Variants in ZHX3 observed in about 807,000 individuals in gnomAD.
ZHX3 encodes the protein zinc fingers and homeoboxes protein 3.
Under a neutral mutation model 64.5 loss-of-function variants are expected in ZHX3, and 20 were observed. The observed-to-expected ratio is 0.31, with a 90% CI of 0.22 to 0.45. The LOEUF (loss-of-function observed/expected upper bound fraction) is 0.45. Ranked by LOEUF, ZHX3 falls within the 20% of genes least tolerant of loss-of-function variation. The probability of loss-of-function intolerance (pLI) is 1.00; values close to 1 mark genes in which losing one functional copy is unlikely to be tolerated. For synonymous variants in ZHX3, 423 were observed against 461.6 expected (o/e 0.92, Z 1.07); for missense variants, 1,041 against 1,195.8 (o/e 0.87, Z 1.91).
intron 1 of ZHX3, among the ~76,000 whole-genome samples, chr20:41,299,780 T>A (rs547024096): frequency 2.0e-5 from 3 of 149,152 alleles, no homozygotes; most frequent in African/African-American, 7.5e-5. Context: ...GAGAATCGCT[T>A]GAACCTGGAA....
intron 2 of ZHX3, among the ~76,000 whole-genome samples, chr20:41,214,937 T>C (rs2039414173): frequency 6.6e-6 from 1 of 152,222 alleles, no homozygotes; most frequent in Non-Finnish European, 1.5e-5. Flanking sequence ...ATGCCCCATC[T>C]TGAAACCTTC....
At position 41,178,713 on chromosome 20, in the gene ZHX3, A is replaced by AT. The variant is rs900080450; in HGVS notation, c.*6477dup. The stretch of plus-strand genomic sequence containing the variant: ...ACAGTCCAAACCGAAGTTAAGTTCC[A>AT]TTTTTTTGTTAAAACGTTTACCCAG... On this transcript the variant is annotated 3_prime_UTR_variant, in exon 4 of 4. Coordinates refer to ENST00000683867, the MANE Select transcript of ZHX3 (RefSeq NM_001384317.1). 1 of 152,592 alleles carries AT rather than the reference A, an allele frequency of 6.6e-6. No homozygotes were observed. The allele number at this position is 152,592 out of a possible 1,614,324, so 9.5% of individuals were successfully genotyped here.
At chr20:41,256,388 A>G (rs1057321456) in intron 2 of ZHX3, among the ~76,000 whole-genome samples, 4 of 152,156 alleles carry the variant, frequency 2.6e-5, no homozygotes, top group Non-Finnish European at 5.9e-5. Context: ...ATATTCATTA[A>G]GAGACTATTC....
At position 41,179,006 on chromosome 20, in the gene ZHX3, A is replaced by T. The variant is rs751278276; in HGVS notation, c.*6185T>A. The T allele has an allele frequency of 2.0e-5, 3 of 152,676 alleles. No individual in the cohort carries two copies. The highest frequency in any genetic ancestry group is 2.9e-5 in the Non-Finnish European group (2 of 68,078). 9.5% of individuals were successfully genotyped at this position (152,676 alleles called of 1,614,324 possible). On this transcript the variant is annotated 3_prime_UTR_variant, in exon 4 of 4. Transcript: ENST00000683867. This position sits in a 1 kb window ranked among gnomAD's most constrained non-coding sequence, Gnocchi z 4.3. Reference sequence around the variant, plus strand: ...ATTGCCCAGAAGTCCGGCCACAGGGAACAAGGCTTTGTGCTGAAGACCAAA... The same window carrying T: ...ATTGCCCAGAAGTCCGGCCACAGGGTACAAGGCTTTGTGCTGAAGACCAAA...
chr20:41,290,757 G>A (rs572213273), intron 1 of ZHX3, among the ~76,000 whole-genome samples: 12 of 152,300 alleles, frequency 7.9e-5, no homozygotes, highest in African/African-American at 1.9e-4. Flanking sequence ...ATTTGGCTAC[G>A]ATGGCAGAGC....
chr20:41,291,181 T>A (rs1005687764), intron 1 of ZHX3, among the ~76,000 whole-genome samples: 4 of 151,300 alleles, frequency 2.6e-5, no homozygotes, highest in African/African-American at 9.7e-5. Flanking sequence ...GAACTCAGAC[T>A]TTTTCCCCCA....
chr20:41,189,395 T>G (rs562741250), intron 3 of ZHX3, among the ~76,000 whole-genome samples: 1 of 152,340 alleles, frequency 6.6e-6, no homozygotes, highest in South Asian at 2.1e-4. Context: ...GGTATTTTGA[T>G]AGCAATTGCA....
chr20:41,266,279 G>A (rs536531296), intron 2 of ZHX3, among the ~76,000 whole-genome samples: 9 of 152,288 alleles, frequency 5.9e-5, no homozygotes, highest in Non-Finnish European at 1.3e-4. Context: ...GCTGGAGTTA[G>A]TCAAGATGGC....
At chr20:41,276,984 ATAAGT>A (rs1207397916) in intron 1 of ZHX3, among the ~76,000 whole-genome samples, 1 of 152,244 alleles carries the variant, frequency 6.6e-6, no homozygotes, top group African/African-American at 2.4e-5. Flanking sequence ...GGTGAGCAAG[ATAAGT>A]TAGATATAAA....
At chr20:41,295,540 C>A (rs900426874) in intron 1 of ZHX3, among the ~76,000 whole-genome samples, 3 of 152,100 alleles carry the variant, frequency 2.0e-5, no homozygotes, top group Non-Finnish European at 4.4e-5. Context: ...CTTTCTATTT[C>A]ACTGTTGGCT....
At chr20:41,272,359 A>G (rs1008331662) in intron 1 of ZHX3, 1 of 152,202 alleles carries the variant, frequency 6.6e-6, no homozygotes, top group Admixed American at 6.5e-5. Flanking sequence ...GTAATTTTAA[A>G]AATTGAAAAT....
chr20:41,184,922 T>C lies in ZHX3; in HGVS notation c.*269A>G, dbSNP rs1403945449. ...ATGAATATGACTATGAACTCTGAAC[T>C]ATTTTATCCATTGGAAGGTAAAGGA... On this transcript the variant is annotated 3_prime_UTR_variant, in exon 4 of 4. Transcript: ENST00000683867. 1 of 1,538,164 alleles carries C rather than the reference T, an allele frequency of 6.5e-7. No homozygotes were observed. Among genetic ancestry groups the C allele is most frequent in the Non-Finnish European group, 8.7e-7 (1 of 1,145,628 alleles).
chr20:41,313,828 C>T (rs960542669), intron 1 of ZHX3, among the ~76,000 whole-genome samples: 6 of 152,138 alleles, frequency 3.9e-5, no homozygotes, highest in African/African-American at 1.4e-4. Context: ...GATCTCCTGA[C>T]CTCGTGATCT....
At chr20:41,223,632 C>T in intron 2 of ZHX3, among the ~76,000 whole-genome samples, 1 of 152,180 alleles carries the variant, frequency 6.6e-6, no homozygotes, top group East Asian at 1.9e-4. Context: ...ATAGTGTTTG[C>T]CCCTGGCGAG....
chr20:41,232,176 C>T lies in ZHX3; in HGVS notation c.-150-27110G>A, dbSNP rs7262029. On this transcript the variant is annotated intron_variant, in intron 2 of 3. Coordinates refer to ENST00000683867, the MANE Select transcript of ZHX3 (RefSeq NM_001384317.1). This position sits in a 1 kb window ranked among gnomAD's most constrained non-coding sequence, Gnocchi z 5.0. ...ATTTTGCCTAGGCAAGAGAAAAGGC[C>T]GAAGGGTGACTTAATAACCATCTTC... Among the ~76,000 whole-genome samples the T allele has an allele frequency of 0.051, 7,784 of 151,940 alleles. 664 individuals carry two copies. Among genetic ancestry groups the T allele is most frequent in the African/African-American group, 0.18 (7,466 of 41,392 alleles).
intron 3 of ZHX3, among the ~76,000 whole-genome samples, chr20:41,199,210 G>C (rs1234664366): frequency 6.6e-6 from 1 of 151,938 alleles, no homozygotes; most frequent in African/African-American, 2.4e-5. Context: ...AATGTCTTTG[G>C]GTAATAATTC....
intron 1 of ZHX3, among the ~76,000 whole-genome samples, chr20:41,297,876 C>CA (rs1403990830): frequency 6.6e-6 from 1 of 152,156 alleles, no homozygotes. Flanking sequence ...CATAATGTGT[C>CA]AGACTTTTAC....
chr20:41,188,076 C>T (rs2036675971), intron 3 of ZHX3, among the ~76,000 whole-genome samples: 1 of 152,188 alleles, frequency 6.6e-6, no homozygotes, highest in Non-Finnish European at 1.5e-5. Flanking sequence ...CCCTTCTACT[C>T]TCACACCCTT....
At chr20:41,218,377 G>A (rs148250882) in intron 2 of ZHX3, among the ~76,000 whole-genome samples, 18 of 151,768 alleles carry the variant, frequency 1.2e-4, no homozygotes, top group East Asian at 1.9e-4. Context: ...CTGGGAGGTC[G>A]TAGCTGCAGT....
Sources: gnomAD v4.1 joint callset for allele counts (sites outside exome capture counted in the v4.1 genomes callset) on GRCh38, gnomAD v4.1.1 for gene constraint, Gnocchi (gnomAD v3.1) non-coding constraint, MANE v1.5 for transcripts, NCBI Gene and HGNC (gene_info 2026-07-23, HGNC 2026-07-21) for gene names.